Variants in REV1 observed in about 807,000 individuals in gnomAD.
REV1 encodes the protein REV1 DNA directed polymerase, also known as translesion synthesis protein REV1.
REV1 carries 42 observed loss-of-function variants against 137.4 expected under a neutral mutation model. The ratio of observed to expected loss-of-function variants is 0.31; its 90% CI spans 0.24 to 0.40. REV1 has a LOEUF of 0.40. Among genes scored for constraint, REV1 ranks in the 10% least tolerant of loss-of-function variants. REV1 has a pLI of 1.00. For synonymous variants in REV1, 524 were observed against 519.2 expected (o/e 1.01, Z -0.12); for missense variants, 1,282 against 1,490.1 (o/e 0.86, Z 2.30).
intron 1 of REV1, among the ~76,000 whole-genome samples, chr2:99,477,661 T>C (rs2104193816): frequency 6.6e-6 from 1 of 152,292 alleles, no homozygotes; most frequent in East Asian, 1.9e-4. Context: ...AATATTTGGA[T>C]ATATTAAACC....
chr2:99,434,588 ATACTT>A (rs964356532), intron 7 of REV1, 140 bp from the exon 8 acceptor site: 6 of 469,446 alleles, frequency 1.3e-5, no homozygotes, highest in African/African-American at 4.0e-5. Flanking sequence ...AAAGAAGCTA[ATACTT>A]TAAAGATTAT....
At chr2:99,411,406 C>A (rs1162381134) in intron 13 of REV1, among the ~76,000 whole-genome samples, 1 of 144,556 alleles carries the variant, frequency 6.9e-6, no homozygotes, top group African/African-American at 2.7e-5. Context: ...TTTTTCCTTT[C>A]TTTCCTTTTT....
intron 21 of REV1, 69 bp from the exon 22 acceptor site, chr2:99,402,415 A>G: frequency 1.2e-6 from 1 of 859,088 alleles, no homozygotes; most frequent in Non-Finnish European, 1.9e-6. Context: ...ATCTGCATGG[A>G]TAAAGGAAAA....
chr2:99,482,734 T>C (rs1176179064), intron 1 of REV1, among the ~76,000 whole-genome samples: 3 of 152,124 alleles, frequency 2.0e-5, no homozygotes, highest in Non-Finnish European at 4.4e-5. Flanking sequence ...CAGAGAAGAT[T>C]ATCATGAGAA....
In REV1 at chr2:99,487,483, T is replaced by C. The variant is rs1687269342; in HGVS notation, c.-11+2334A>G. On this transcript the variant is annotated intron_variant, in intron 1 of 22. Transcript: ENST00000258428. ...CTTAGACTAGGATTCATGTACTGTTTATAAGTAGATGCTAACAGAAGAGCC... is the reference window on the plus strand; with the variant it reads ...CTTAGACTAGGATTCATGTACTGTTCATAAGTAGATGCTAACAGAAGAGCC... Among the ~76,000 whole-genome samples the C allele has an allele frequency of 1.7e-5, 2 of 118,634 alleles. 1 individual carries two copies. Among genetic ancestry groups the C allele is most frequent in the Non-Finnish European group, 3.7e-5 (2 of 54,446 alleles). 77.8% of individuals were successfully genotyped at this position (118,634 alleles called of 152,430 possible).
At chr2:99,423,662 T>C (rs1678972404) in intron 10 of REV1, among the ~76,000 whole-genome samples, 1 of 152,236 alleles carries the variant, frequency 6.6e-6, no homozygotes, top group Non-Finnish European at 1.5e-5. Flanking sequence ...CATCAACCAT[T>C]TTGAAACTAT....
chr2:99,440,978 T>C (rs1021989111), intron 5 of REV1, among the ~76,000 whole-genome samples: 1 of 152,332 alleles, frequency 6.6e-6, no homozygotes, highest in Middle Eastern at 3.4e-3. Context: ...CGGGTAGAGA[T>C]ACATTTTTTA....
chr2:99,463,225 T>A (rs190837980), intron 2 of REV1, among the ~76,000 whole-genome samples: 3 of 151,654 alleles, frequency 2.0e-5, no homozygotes, highest in Admixed American at 1.3e-4. Flanking sequence ...GCTAAGTCAA[T>A]AATAATAATA....
intron 8 of REV1, among the ~76,000 whole-genome samples, chr2:99,433,595 A>G (rs1002969783): frequency 6.6e-6 from 1 of 152,198 alleles, no homozygotes; most frequent in East Asian, 1.9e-4. Flanking sequence ...ACTAAACTGC[A>G]TGCTTTCCAT....
chr2:99,429,969 T>A, intron 8 of REV1, 21 bp from the exon 9 acceptor site: 1 of 1,429,872 alleles, frequency 7.0e-7, no homozygotes, highest in African/African-American at 1.5e-5. Context: ...AAAAAAAAAT[T>A]AATGGTTATA....
At chr2:99,456,872 C>T (rs1248281839) in intron 3 of REV1, among the ~76,000 whole-genome samples, 1 of 152,108 alleles carries the variant, frequency 6.6e-6, no homozygotes, top group Non-Finnish European at 1.5e-5. Context: ...CAAACAGAAA[C>T]ACAGAACTGT....
At chr2:99,486,017 C>T (rs1687089559) in intron 1 of REV1, among the ~76,000 whole-genome samples, 1 of 152,128 alleles carries the variant, frequency 6.6e-6, no homozygotes, top group Non-Finnish European at 1.5e-5. Flanking sequence ...GCAGGCTACT[C>T]GAGCGCCTGA....
rs1321474543 is a variant in REV1, at chr2:99,424,723, C to T, written c.1548-443G>A. ...ACAAAGAATATAAACAAAAGAACTACACAAAACAGTGCTATGTGACAAACA... is the reference window on the plus strand; with the variant it reads ...ACAAAGAATATAAACAAAAGAACTATACAAAACAGTGCTATGTGACAAACA... On this transcript the variant is annotated intron_variant, in intron 9 of 22. Transcript: ENST00000258428. 27 of 1,288,384 alleles carry T rather than the reference C, an allele frequency of 2.1e-5. 1 individual carries two copies. The South Asian group carries it at 2.4e-4, about 11-fold the overall frequency. 79.8% of individuals were successfully genotyped at this position (1,288,384 alleles called of 1,614,324 possible).
Position 99,404,424 on chromosome 2 carries a change from G to A in REV1, c.3045+20C>T, listed in dbSNP as rs1300146395. On this transcript the variant is annotated intron_variant, in intron 18 of 22. Coordinates refer to ENST00000258428, the MANE Select transcript of REV1 (RefSeq NM_016316.4). ...TGAGAATATTGAAACTACAGCAGAG[G>A]GTTCCCATATTTAACTTACCTGTGA... The A allele has an allele frequency of 6.3e-7, 1 of 1,589,764 alleles. No homozygotes were observed. Among genetic ancestry groups the A allele is most frequent in the Admixed American group, 1.7e-5 (1 of 59,908 alleles).
chr2:99,412,278 A>AC (rs1559298202), intron 13 of REV1, among the ~76,000 whole-genome samples: 1 of 151,204 alleles, frequency 6.6e-6, no homozygotes, highest in Non-Finnish European at 1.5e-5. Context: ...AAAAAAAAAA[A>AC]AAAACATATC....
At chr2:99,420,524 G>A (rs1026005267) in intron 11 of REV1, among the ~76,000 whole-genome samples, 7 of 152,190 alleles carry the variant, frequency 4.6e-5, no homozygotes, top group Non-Finnish European at 7.3e-5. Flanking sequence ...CTGGAGCCTA[G>A]GCGCTCCGTC....
At chr2:99,403,459 T>G (rs1675798663) in intron 19 of REV1, 1 of 598,424 alleles carries the variant, frequency 1.7e-6, no homozygotes. Context: ...TAATGTCCTA[T>G]TCCAACTTTT....
Position 99,403,075 on chromosome 2 carries a change from T to C in REV1, c.3198A>G (p.Ala1066=). Residue 1066 remains alanine (A), a synonymous_variant, in exon 20 of 23, where the codon GCA becomes GCG. Coordinates refer to ENST00000258428, the MANE Select transcript of REV1 (RefSeq NM_016316.4). ...TGTTTCTTTTCTTTTCTTTCACTGC[T>C]GCCTTTAGATGAAGTAAAGGATTCT... ...VPKNPLLHLK[A]AVKEKKRNKK... The C allele has an allele frequency of 2.5e-6, 4 of 1,611,540 alleles. No individual in the cohort carries two copies. The highest frequency in any genetic ancestry group is 2.5e-6 in the Non-Finnish European group (3 of 1,178,912).
chr2:99,409,698 G>A (rs909662535), intron 14 of REV1, among the ~76,000 whole-genome samples: 9 of 151,734 alleles, frequency 5.9e-5, no homozygotes, highest in African/African-American at 1.5e-4. Flanking sequence ...ACAAAAATTC[G>A]CTGGGCATGG....
Sources: allele counts gnomAD v4.1 joint callset (sites outside exome capture counted in the v4.1 genomes callset), GRCh38; gene constraint gnomAD v4.1.1; transcripts MANE v1.5; gene names NCBI Gene and HGNC (gene_info 2026-07-23, HGNC 2026-07-21).